OSBPL6: variants seen among roughly 807,000 people sequenced by gnomAD.
OSBPL6 encodes oxysterol binding protein like 6, also known as oxysterol-binding protein-related protein 6.
Under a neutral mutation model 125.8 loss-of-function variants are expected in OSBPL6, and 49 were observed. That is an observed-to-expected ratio of 0.39 (90% CI 0.31 to 0.49). The LOEUF (loss-of-function observed/expected upper bound fraction) is 0.49. OSBPL6 is among the 20% of genes least tolerant of loss of function. The probability of loss-of-function intolerance (pLI) is 0.88; values close to 1 mark genes in which losing one functional copy is unlikely to be tolerated. For missense variants in OSBPL6, 986 were observed against 1,135.4 expected, an observed-to-expected ratio of 0.87 and a Z score of 1.89; for synonymous variants, 394 against 391.8, an observed-to-expected ratio of 1.01 and a Z score of -0.07.
chr2:178,345,090 T>C (rs1196195147), intron 11 of OSBPL6, among the ~76,000 whole-genome samples: 1 of 152,094 alleles, frequency 6.6e-6, no homozygotes, highest in African/African-American at 2.4e-5. Context: ...GAATATAAAA[T>C]AGACTATCAA....
chr2:178,239,386 C>A (rs1385729836), intron 1 of OSBPL6, among the ~76,000 whole-genome samples: 1 of 152,006 alleles, frequency 6.6e-6, no homozygotes, highest in Non-Finnish European at 1.5e-5. Flanking sequence ...ATAGTCAGAC[C>A]TCATCTCTAC....
At chr2:178,261,716 T>C (rs899523684) in intron 1 of OSBPL6, among the ~76,000 whole-genome samples, 1 of 152,242 alleles carries the variant, frequency 6.6e-6, no homozygotes, top group Non-Finnish European at 1.5e-5. Context: ...AAGTGTCTTA[T>C]GTGAAGTGAA....
chr2:178,320,735 C>T (rs1688164516), intron 3 of OSBPL6, among the ~76,000 whole-genome samples: 1 of 152,194 alleles, frequency 6.6e-6, no homozygotes, highest in African/African-American at 2.4e-5. Context: ...GATGTGTTCC[C>T]TAATGACTAC....
chr2:178,217,973 C>A (rs2090157896), intron 1 of OSBPL6, among the ~76,000 whole-genome samples: 1 of 152,158 alleles, frequency 6.6e-6, no homozygotes, highest in Non-Finnish European at 1.5e-5. Flanking sequence ...TAAATTCTTC[C>A]TAACTTTTGT....
chr2:178,262,820 G>C (rs1422435272), intron 1 of OSBPL6, among the ~76,000 whole-genome samples: 1 of 152,106 alleles, frequency 6.6e-6, no homozygotes, highest in African/African-American at 2.4e-5. Flanking sequence ...AAAATTAGGA[G>C]ACATTAATAT....
chr2:178,368,116 A>G (rs575362024), intron 13 of OSBPL6, among the ~76,000 whole-genome samples: 2 of 152,300 alleles, frequency 1.3e-5, no homozygotes, highest in South Asian at 4.1e-4. Flanking sequence ...TTTCAATGAT[A>G]TTATTATAGA....
At position 178,402,021 on chromosome 2, in the gene OSBPL6, G is replaced by A. The variant is rs1696115539; in HGVS notation, c.*6462G>A. The stretch of plus-strand genomic sequence containing the variant: ...ACTCAGGAGGCTGAGGCAGGAGGAT[G>A]GCTTGAGCCTGACGCCCATGCCGCT... On this transcript the variant is annotated 3_prime_UTR_variant, in exon 25 of 25. Coordinates refer to ENST00000190611, the MANE Select transcript of OSBPL6 (RefSeq NM_032523.4). 1 of 152,216 alleles carries A rather than the reference G, an allele frequency of 6.6e-6. No individual in the cohort carries two copies. 9.4% of individuals were successfully genotyped at this position (152,216 alleles called of 1,614,324 possible).
At chr2:178,387,775 C>T (rs1358758972) in intron 20 of OSBPL6, among the ~76,000 whole-genome samples, 4 of 152,074 alleles carry the variant, frequency 2.6e-5, no homozygotes, top group African/African-American at 4.8e-5. Context: ...GAGGCTGAGG[C>T]GGGCGGATCA....
rs79573931 is a variant in OSBPL6 at position 178,390,428 on chromosome 2, G to A, written c.2302-645G>A. Among the ~76,000 whole-genome samples, 357 of 152,226 alleles carry A rather than the reference G, an allele frequency of 2.3e-3. 2 individuals are homozygous for A. The highest frequency in any genetic ancestry group is 8.3e-3 in the African/African-American group (345 of 41,538). On this transcript the variant is annotated intron_variant, in intron 21 of 24. Transcript: ENST00000190611. ...CACACCCCCACAAACAACCACCCTT[G>A]GCCACTCTTCAGACCTAAAGGTGCA...
At chr2:178,382,584 C>G in intron 16 of OSBPL6, 77 bp downstream of exon 16, 1 of 1,586,130 alleles carries the variant, frequency 6.3e-7, no homozygotes, top group South Asian at 1.1e-5. Flanking sequence ...AACAGGCATT[C>G]CCCCTCCCAC....
intron 3 of OSBPL6, among the ~76,000 whole-genome samples, chr2:178,309,821 A>C (rs1490404976): frequency 6.6e-6 from 1 of 152,216 alleles, no homozygotes; most frequent in African/African-American, 2.4e-5. Flanking sequence ...AGGGAGCATA[A>C]GGGTTGTTGA....
chr2:178,205,757 C>T (rs779964772), intron 1 of OSBPL6, among the ~76,000 whole-genome samples: 7 of 152,074 alleles, frequency 4.6e-5, no homozygotes, highest in South Asian at 2.1e-4. Context: ...TATTGAAACA[C>T]GAATTCATTA....
chr2:178,370,534 G>C (rs1693280989), intron 13 of OSBPL6, among the ~76,000 whole-genome samples: 1 of 152,144 alleles, frequency 6.6e-6, no homozygotes, highest in Non-Finnish European at 1.5e-5. Context: ...AATTCTAAGT[G>C]TTTGAGATTT....
At chr2:178,233,564 CGTCA>C (rs1230347152) in intron 1 of OSBPL6, among the ~76,000 whole-genome samples, 3 of 152,108 alleles carry the variant, frequency 2.0e-5, no homozygotes, top group Non-Finnish European at 2.9e-5. Context: ...TCTCATCAGA[CGTCA>C]GTGTCTTTGA....
chr2:178,216,312 G>C (rs2090090421), intron 1 of OSBPL6, among the ~76,000 whole-genome samples: 1 of 152,102 alleles, frequency 6.6e-6, no homozygotes, highest in African/African-American at 2.4e-5. Context: ...TTTTGGCCCT[G>C]AATATACCCC....
chr2:178,338,307 A>G (rs1030018948), intron 9 of OSBPL6, among the ~76,000 whole-genome samples: 1 of 152,274 alleles, frequency 6.6e-6, no homozygotes, highest in African/African-American at 2.4e-5. Flanking sequence ...TTTATTGTAT[A>G]GATTTTTAAA....
intron 1 of OSBPL6, among the ~76,000 whole-genome samples, chr2:178,245,755 A>G (rs761828074): frequency 3.4e-4 from 52 of 152,200 alleles, no homozygotes; most frequent in Admixed American, 1.3e-4. Context: ...GTTATAGCTC[A>G]TTCACTGCTG....
chr2:178,388,080 A>G (rs1695101420), intron 20 of OSBPL6, among the ~76,000 whole-genome samples: 1 of 152,200 alleles, frequency 6.6e-6, no homozygotes, highest in African/African-American at 2.4e-5. Flanking sequence ...CCAATTCATA[A>G]ACTTTGCAGA....
intron 1 of OSBPL6, among the ~76,000 whole-genome samples, chr2:178,253,791 T>C (rs1383055217): frequency 6.6e-6 from 1 of 152,152 alleles, no homozygotes; most frequent in African/African-American, 2.4e-5. Flanking sequence ...GGATTGAATG[T>C]TTGACCCCTC....
Sources: allele counts gnomAD v4.1 joint callset (sites outside exome capture counted in the v4.1 genomes callset), GRCh38; gene constraint gnomAD v4.1.1; transcripts MANE v1.5; gene names NCBI Gene and HGNC (gene_info 2026-07-23, HGNC 2026-07-21).